SEMA5A: variants seen among roughly 807,000 people sequenced by gnomAD.
SEMA5A encodes semaphorin 5A.
A neutral mutation model predicts 135.5 loss-of-function variants in SEMA5A; 55 were observed. That is an observed-to-expected ratio of 0.41 (90% CI 0.33 to 0.51). The LOEUF (loss-of-function observed/expected upper bound fraction) is 0.51, where lower values mean the gene tolerates loss of function less well. Among genes scored for constraint, SEMA5A ranks in the 20% least tolerant of loss-of-function variants. The pLI is 0.37. For missense variants in SEMA5A, 1,290 were observed against 1,419.9 expected (o/e 0.91, Z 1.47); for synonymous variants, 580 against 546.5 (o/e 1.06, Z -0.85).
At chr5:9,129,788 T>C (rs930666782) in intron 13 of SEMA5A, among the ~76,000 whole-genome samples, 5 of 152,188 alleles carry the variant, frequency 3.3e-5, no homozygotes, top group Admixed American at 3.3e-4. Flanking sequence ...CACTGTGCTT[T>C]ACATGTATTA....
intron 1 of SEMA5A, among the ~76,000 whole-genome samples, chr5:9,502,541 C>T (rs570514683): frequency 1.3e-5 from 2 of 150,804 alleles, no homozygotes; most frequent in African/African-American, 4.9e-5. Context: ...CTGTGGGTAT[C>T]TCTAAACATC....
At chr5:9,510,521 G>C (rs971261466) in intron 1 of SEMA5A, among the ~76,000 whole-genome samples, 1 of 152,096 alleles carries the variant, frequency 6.6e-6, no homozygotes, top group South Asian at 2.1e-4. Flanking sequence ...CATTGTAAAA[G>C]ATATTTTACA....
intron 16 of SEMA5A, among the ~76,000 whole-genome samples, chr5:9,092,813 C>T (rs990614528): frequency 6.6e-6 from 1 of 152,146 alleles, no homozygotes; most frequent in African/African-American, 2.4e-5. Context: ...AAGGTGGTGA[C>T]ACTCTTTTCC....
At chr5:9,318,795 T>C (rs1475423816) in intron 4 of SEMA5A, among the ~76,000 whole-genome samples, 3 of 152,244 alleles carry the variant, frequency 2.0e-5, no homozygotes, top group Non-Finnish European at 2.9e-5. Flanking sequence ...TTTATAATTA[T>C]CACCTAAATT....
At chr5:9,449,256 T>A (rs1758546724) in intron 1 of SEMA5A, among the ~76,000 whole-genome samples, 1 of 152,212 alleles carries the variant, frequency 6.6e-6, no homozygotes. Flanking sequence ...GACGAGATCA[T>A]GTCCTCTGCA....
At chr5:9,389,807 T>C (rs1444448000) in intron 2 of SEMA5A, among the ~76,000 whole-genome samples, 1 of 152,230 alleles carries the variant, frequency 6.6e-6, no homozygotes, top group African/African-American at 2.4e-5. Context: ...CACTTTTCTC[T>C]CGTCCCTATC....
rs541623944 is a variant in SEMA5A at position 9,380,122 on chromosome 5, T to C, written c.-77-99A>G. ...CCTCACTAACTTTAAGGTTACACTT[T>C]GTGGAGATAGAGGAGAGCTTGGAGG... On this transcript the variant is annotated intron_variant, in intron 2 of 22. Transcript: ENST00000382496. 10 of 770,642 alleles carry C rather than the reference T, an allele frequency of 1.3e-5. No homozygotes were observed. The African/African-American group carries it at 1.6e-4, about 12-fold the overall frequency. 47.7% of individuals were successfully genotyped at this position (770,642 alleles called of 1,614,324 possible).
chr5:9,480,253 A>T (rs1168855553), intron 1 of SEMA5A, among the ~76,000 whole-genome samples: 2 of 152,228 alleles, frequency 1.3e-5, no homozygotes, highest in Non-Finnish European at 2.9e-5. Context: ...AAAGCAAAAA[A>T]ATATATTTTT....
At chr5:9,198,424 G>A (rs1745532791) in intron 9 of SEMA5A, among the ~76,000 whole-genome samples, 1 of 152,166 alleles carries the variant, frequency 6.6e-6, no homozygotes, top group African/African-American at 2.4e-5. Context: ...ACCTAAGGCT[G>A]GCTCCAAATG....
intron 1 of SEMA5A, among the ~76,000 whole-genome samples, chr5:9,542,857 T>C (rs1738166693): frequency 6.6e-6 from 1 of 152,206 alleles, no homozygotes; most frequent in Non-Finnish European, 1.5e-5. Context: ...GGATGAGTTT[T>C]TGATATTAGT....
chr5:9,222,153 C>A (rs1463459346), intron 8 of SEMA5A, among the ~76,000 whole-genome samples: 1 of 152,166 alleles, frequency 6.6e-6, no homozygotes, highest in African/African-American at 2.4e-5. Context: ...TGGCAAAGAA[C>A]AGATGGGATG....
At chr5:9,088,907 T>C (rs961530562) in intron 16 of SEMA5A, among the ~76,000 whole-genome samples, 4 of 152,142 alleles carry the variant, frequency 2.6e-5, no homozygotes, top group African/African-American at 7.2e-5. Flanking sequence ...GCCTGTATAC[T>C]AGCCACATGG....
chr5:9,123,071 G>A (rs1459299604), intron 13 of SEMA5A, among the ~76,000 whole-genome samples: 4 of 151,420 alleles, frequency 2.6e-5, no homozygotes, highest in Non-Finnish European at 4.4e-5. Context: ...TGGCTAACAC[G>A]GTGAAACCCC....
At chr5:9,384,357 C>T (rs1025612642) in intron 2 of SEMA5A, among the ~76,000 whole-genome samples, 1 of 152,008 alleles carries the variant, frequency 6.6e-6, no homozygotes, top group African/African-American at 2.4e-5. Flanking sequence ...ACGCTCAGCA[C>T]TATTGATATT....
At chr5:9,363,215 AAT>A (rs1370858691) in intron 3 of SEMA5A, 2 of 152,364 alleles carry the variant, frequency 1.3e-5, no homozygotes, top group East Asian at 3.9e-4. Flanking sequence ...TTCATAACCA[AAT>A]ATAGCACACA....
At chr5:9,136,704 G>T (rs1275005169) in intron 12 of SEMA5A, 83 bp from the exon 13 acceptor site, 2 of 1,108,218 alleles carry the variant, frequency 1.8e-6, no homozygotes, top group Non-Finnish European at 2.8e-6. Flanking sequence ...CTGTCCCTTG[G>T]CAGAGAGGTA....
chr5:9,178,970 C>A (rs1394021358), intron 11 of SEMA5A, among the ~76,000 whole-genome samples: 1 of 152,186 alleles, frequency 6.6e-6, no homozygotes, highest in Non-Finnish European at 1.5e-5. Context: ...TCTCATGAAG[C>A]TTTCACGTAG....
chr5:9,375,357 A>G (rs954971305), intron 3 of SEMA5A, among the ~76,000 whole-genome samples: 1 of 152,112 alleles, frequency 6.6e-6, no homozygotes, highest in Non-Finnish European at 1.5e-5. Flanking sequence ...TCCTTATAAA[A>G]AGAGAAGACA....
chr5:9,472,723 T>C (rs1480863839), intron 1 of SEMA5A, among the ~76,000 whole-genome samples: 2 of 152,252 alleles, frequency 1.3e-5, no homozygotes, highest in East Asian at 1.9e-4. Flanking sequence ...GTAAAAGTTT[T>C]AGAAAAATGT....
Sources: allele counts gnomAD v4.1 joint callset (sites outside exome capture counted in the v4.1 genomes callset), GRCh38; gene constraint gnomAD v4.1.1; transcripts MANE v1.5; gene names NCBI Gene and HGNC (gene_info 2026-07-23, HGNC 2026-07-21).